The following ANXA4 variants were observed in gnomAD, a reference collection of about 807,000 sequenced individuals.
The protein encoded by ANXA4 is 35-beta calcimedin.
Under a neutral mutation model 49.8 loss-of-function variants are expected in ANXA4, and 39 were observed. That is an observed-to-expected ratio of 0.78 (90% CI 0.61 to 1.02). The LOEUF is 1.02. Among genes scored for constraint, ANXA4 ranks in the 50% least tolerant of loss-of-function variants. The probability of loss-of-function intolerance (pLI) is 0.00; values close to 1 mark genes in which losing one functional copy is unlikely to be tolerated. For synonymous variants in ANXA4, 134 were observed against 152.5 expected, an observed-to-expected ratio of 0.88 and a Z score of 0.89; for missense variants, 360 against 410.1, an observed-to-expected ratio of 0.88 and a Z score of 1.05.
intron 2 of ANXA4, among the ~76,000 whole-genome samples, chr2:69,656,196 T>TA (rs1470219119): frequency 3.6e-5 from 5 of 139,398 alleles, no homozygotes; most frequent in Admixed American, 3.1e-4. Flanking sequence ...TACGTATATA[T>TA]ATATATATAC....
rs377569545 is a variant in ANXA4 at position 69,816,143 on chromosome 2, G to A, written c.577G>A (p.Val193Met). Reference sequence around the variant, plus strand: ...AGAGAAGAAATGGGGGACAGATGAGGTGAAATTTCTAACTGTTCTCTGTTC... The same window carrying A: ...AGAGAAGAAATGGGGGACAGATGAGATGAAATTTCTAACTGTTCTCTGTTC... ...AGEKKWGTDE[V>M]KFLTVLCSRN... The change falls in exon 9 of 13, where the codon GTG becomes ATG. Residue 193 changes from valine to methionine, a missense_variant. Physicochemically the swap from Val to Met is conservative, Grantham distance 21. Transcript: ENST00000394295. 1.2e-6 allele frequency: 2 copies of A among 1,614,050 alleles called. No individual in the cohort carries two copies. Among genetic ancestry groups the A allele is most frequent in the African/African-American group, 1.3e-5 (1 of 74,940 alleles).
intron 2 of ANXA4, among the ~76,000 whole-genome samples, chr2:69,678,835 G>A (rs1170236416): frequency 6.6e-6 from 1 of 152,082 alleles, no homozygotes; most frequent in Non-Finnish European, 1.5e-5. Flanking sequence ...TTAAAATCTT[G>A]TATACTGTTG....
At chr2:69,666,318 T>TA (rs1339805561) in intron 2 of ANXA4, among the ~76,000 whole-genome samples, 1 of 152,020 alleles carries the variant, frequency 6.6e-6, no homozygotes, top group Non-Finnish European at 1.5e-5. Context: ...GGGGTAGCTG[T>TA]AATTGAAAAA....
At chr2:69,657,486 T>A (rs1424886435) in intron 2 of ANXA4, among the ~76,000 whole-genome samples, 1 of 152,110 alleles carries the variant, frequency 6.6e-6, no homozygotes, top group Non-Finnish European at 1.5e-5. Flanking sequence ...TTCGATGGAC[T>A]ATATTCACCA....
chr2:69,810,289 G>T (rs1338225235), intron 6 of ANXA4: 1 of 296,848 alleles, frequency 3.4e-6, no homozygotes, highest in Non-Finnish European at 6.6e-6. Context: ...AACCCAGGAG[G>T]CAGAGGTTGC....
intron 1 of ANXA4, among the ~76,000 whole-genome samples, chr2:69,648,339 G>A (rs35462014): frequency 4.8e-4 from 73 of 152,218 alleles, no homozygotes; most frequent in Non-Finnish European, 9.1e-4. Context: ...CTATGTTGCC[G>A]TCTTTTAGCG....
intron 2 of ANXA4, among the ~76,000 whole-genome samples, chr2:69,662,791 C>G (rs1676769614): frequency 2.0e-5 from 3 of 152,060 alleles, no homozygotes; most frequent in Middle Eastern, 3.4e-3. Flanking sequence ...CTTTGTAGAC[C>G]TCACTCTTAG....
At chr2:69,645,199 T>TTTG (rs1675959761) in intron 1 of ANXA4, among the ~76,000 whole-genome samples, 1 of 152,078 alleles carries the variant, frequency 6.6e-6, no homozygotes, top group South Asian at 2.1e-4. Flanking sequence ...AACAGTAGCG[T>TTTG]TTGTTGTTGC....
intron 3 of ANXA4, among the ~76,000 whole-genome samples, chr2:69,725,598 C>T (rs1669942692): frequency 6.6e-6 from 1 of 152,074 alleles, no homozygotes; most frequent in African/African-American, 2.4e-5. Context: ...AGAACACTTC[C>T]ATCACGCTGG....
chr2:69,817,273 T>C (rs1338291280), intron 9 of ANXA4: 1 of 152,232 alleles, frequency 6.6e-6, no homozygotes, highest in Non-Finnish European at 1.5e-5. Flanking sequence ...GGAGAAAATA[T>C]TTTAAGCACT....
chr2:69,647,429 GAC>G (rs1475019768), intron 1 of ANXA4, among the ~76,000 whole-genome samples: 2 of 114,242 alleles, frequency 1.8e-5, no homozygotes, highest in African/African-American at 7.2e-5. Context: ...TATTTTTTGA[GAC>G]AGAGTCTCAC....
chr2:69,652,073 C>T (rs1207647322), intron 1 of ANXA4, among the ~76,000 whole-genome samples: 2 of 152,128 alleles, frequency 1.3e-5, no homozygotes, highest in Non-Finnish European at 2.9e-5. Context: ...AGGGCAGTGG[C>T]ACAATCTCAG....
Position 69,752,509 on chromosome 2 carries a change from G to C in ANXA4, c.-47+10334G>C, listed in dbSNP as rs186284468. On this transcript the variant is annotated intron_variant, in intron 1 of 12. Coordinates refer to ENST00000394295, the MANE Select transcript of ANXA4 (RefSeq NM_001153.5). ...GTCCAGACCTCCAATATTCATCTTCGACATGGTCTCCTTCCCTGATTGACA... is the reference window on the plus strand; with the variant it reads ...GTCCAGACCTCCAATATTCATCTTCCACATGGTCTCCTTCCCTGATTGACA... Among the ~76,000 whole-genome samples the C allele has an allele frequency of 2.0e-5, 3 of 152,128 alleles. No individual in the cohort carries two copies. In the South Asian group the frequency reaches 6.2e-4, roughly 31 times the overall value.
At chr2:69,772,766 C>T (rs1671780362) in intron 1 of ANXA4, among the ~76,000 whole-genome samples, 1 of 152,122 alleles carries the variant, frequency 6.6e-6, no homozygotes, top group African/African-American at 2.4e-5. Context: ...CACCTGTAAT[C>T]CCAGCACTTT....
chr2:69,782,122 A>G (rs1469354660), intron 2 of ANXA4, among the ~76,000 whole-genome samples: 1 of 152,218 alleles, frequency 6.6e-6, no homozygotes. Flanking sequence ...GTGGAAGCTG[A>G]GCCTCTTAGC....
At chr2:69,719,312 G>A (rs978659736) in intron 2 of ANXA4, among the ~76,000 whole-genome samples, 2 of 137,194 alleles carry the variant, frequency 1.5e-5, no homozygotes, top group Non-Finnish European at 3.0e-5. Flanking sequence ...TCTGCACCCA[G>A]GCTGGAGTAT....
chr2:69,810,607 C>A lies in ANXA4; in HGVS notation c.411C>A (p.Ser137Arg), dbSNP rs2228202. Reference protein sequence around the residue: ...SQTYQQQYGRSLEDDIRSDTS... With the variant: ...SQTYQQQYGRRLEDDIRSDTS... ...CTCTCTTGCTAGAATATGGACGGAG[C>A]CTTGAAGATGACATTCGCTCTGACA... The change falls in exon 7 of 13, where the codon AGC (serine) becomes AGA (arginine). Residue 137 changes from serine to arginine, a missense_variant. Coordinates refer to ENST00000394295, the MANE Select transcript of ANXA4 (RefSeq NM_001153.5). The A allele has an allele frequency of 2.2e-5, 35 of 1,613,740 alleles. No homozygotes were observed. Among genetic ancestry groups the A allele is most frequent in the Non-Finnish European group, 2.7e-5 (32 of 1,179,878 alleles).
intron 1 of ANXA4, among the ~76,000 whole-genome samples, chr2:69,757,240 A>T (rs371084701): frequency 0.021 from 1,065 of 50,470 alleles, 15 homozygotes; most frequent in African/African-American, 0.074. Context: ...TTTTTGTTTT[A>T]TATATATATA....
chr2:69,703,650 C>T (rs1164261285), intron 2 of ANXA4, among the ~76,000 whole-genome samples: 1 of 152,124 alleles, frequency 6.6e-6, no homozygotes, highest in Non-Finnish European at 1.5e-5. Flanking sequence ...CCCAGATAGT[C>T]CTGCCATAGT....
Sources: allele counts gnomAD v4.1 joint callset (sites outside exome capture counted in the v4.1 genomes callset), GRCh38; gene constraint gnomAD v4.1.1; transcripts MANE v1.5; gene names NCBI Gene and HGNC (gene_info 2026-07-23, HGNC 2026-07-21).